OTC: variants seen among roughly 807,000 people sequenced by gnomAD.
The protein encoded by OTC is ornithine transcarbamylase, also known as ornithine transcarbamylase, mitochondrial.
OTC carries 3 observed loss-of-function variants against 30.3 expected under a neutral mutation model. The observed-to-expected ratio is 0.10, with a 90% CI of 0.05 to 0.26. The LOEUF is 0.26. Among genes scored for constraint, OTC ranks in the 10% least tolerant of loss-of-function variants. OTC has a pLI of 1.00. For synonymous variants in OTC, 111 were observed against 99.7 expected (o/e 1.11, Z -0.67); for missense variants, 194 against 260.3 (o/e 0.75, Z 1.75).
chrX:38,370,177 G>A (rs1156616269), intron 3 of OTC, among the ~76,000 whole-genome samples: 2 of 112,534 alleles, frequency 1.8e-5, no homozygotes, highest in East Asian at 2.8e-4. Context: ...TTGAACTCAC[G>A]TGGGTAAGAA....
chrX:38,406,864 A>G (rs963997457), intron 6 of OTC, among the ~76,000 whole-genome samples: 1 of 112,669 alleles, frequency 8.9e-6, no homozygotes, highest in Non-Finnish European at 1.9e-5. Context: ...AGGCATCTTC[A>G]TCAACATCTG....
At chrX:38,379,148 C>A (rs1357099353) in intron 3 of OTC, among the ~76,000 whole-genome samples, 4 of 111,585 alleles carry the variant, frequency 3.6e-5, no homozygotes, top group Non-Finnish European at 7.5e-5. Context: ...TCCTACCTGG[C>A]ACCTAGCACA....
downstream of OTC, among the ~76,000 whole-genome samples, chrX:38,422,078 A>G (rs978515975): frequency 5.3e-5 from 6 of 112,273 alleles, no homozygotes; most frequent in Admixed American, 2.8e-4. Context: ...TAAATAACAT[A>G]AGTGAAGTTT....
At chrX:38,352,158 C>CA (rs1260058409), upstream of OTC, among the ~76,000 whole-genome samples, 1 of 88,820 alleles carries the variant, frequency 1.1e-5, no homozygotes, top group African/African-American at 4.1e-5. Flanking sequence ...CTTGCACCCC[C>CA]AAAATAGCTT....
intron 4 of OTC, among the ~76,000 whole-genome samples, chrX:38,385,794 A>G (rs1569276240): frequency 1.8e-5 from 2 of 112,211 alleles, no homozygotes; most frequent in Admixed American, 9.4e-5. Flanking sequence ...TGTACAGCAG[A>G]TCTTTAGAAC....
intron 2 of OTC, among the ~76,000 whole-genome samples, chrX:38,368,564 T>C (rs891783990): frequency 3.7e-5 from 4 of 109,006 alleles, no homozygotes; most frequent in African/African-American, 1.3e-4. Flanking sequence ...AGCATAATTC[T>C]GCATTTTGAG....
chrX:38,407,282 G>A (rs746498569), intron 6 of OTC, among the ~76,000 whole-genome samples: 2 of 112,342 alleles, frequency 1.8e-5, no homozygotes, highest in African/African-American at 3.2e-5. Context: ...CCTTGGGTGC[G>A]GCTGCTCTCT....
intron 4 of OTC, among the ~76,000 whole-genome samples, chrX:38,399,117 G>A (rs2068471548): frequency 9.0e-6 from 1 of 111,687 alleles, no homozygotes; most frequent in African/African-American, 3.3e-5. Context: ...AATAATAGAT[G>A]ATGCTTTCAA....
chrX:38,388,431 T>C (rs925133799), intron 4 of OTC, among the ~76,000 whole-genome samples: 27 of 111,230 alleles, frequency 2.4e-4, no homozygotes, highest in Non-Finnish European at 7.5e-5. Flanking sequence ...GGTTATGAAC[T>C]GGATATTCTT....
the OTC span, among the ~76,000 whole-genome samples, chrX:38,329,985 A>G: frequency 1.8e-4 from 20 of 112,097 alleles, no homozygotes; most frequent in African/African-American, 6.2e-4. Context: ...CTGTGAGTCT[A>G]TTGCTTTACA....
At chrX:38,341,390 G>A in the OTC span, among the ~76,000 whole-genome samples, 1 of 112,202 alleles carries the variant, frequency 8.9e-6, no homozygotes, top group Middle Eastern at 4.7e-3. Context: ...AGACACTGAA[G>A]ATGATGTGTT....
chrX:38,378,917 C>T (rs1388058810), intron 3 of OTC, among the ~76,000 whole-genome samples: 3 of 111,717 alleles, frequency 2.7e-5, no homozygotes, highest in South Asian at 7.5e-4. Flanking sequence ...GGCGATGGGG[C>T]TGGGATGAGG....
At chrX:38,408,089 C>T (rs916474084) in intron 6 of OTC, among the ~76,000 whole-genome samples, 2 of 112,338 alleles carry the variant, frequency 1.8e-5, no homozygotes, top group Non-Finnish European at 1.9e-5. Flanking sequence ...CCTCGCTTGC[C>T]TCTCCAGAGT....
In OTC at chrX:38,403,529, G is replaced by A. The variant is rs762549974; in HGVS notation, c.541-89G>A. On this transcript the variant is annotated intron_variant, in intron 5 of 9. Transcript: ENST00000039007. ...CCTTCTAACAAGGCACTAATACTGA[G>A]ATTAAGACTATTTATTTTAACCTTA... 2,245 of 1,007,528 alleles carry A rather than the reference G, an allele frequency of 2.2e-3. 4 individuals carry two copies. The highest frequency in any genetic ancestry group is 2.8e-3 in the Non-Finnish European group (1,991 of 713,915). The allele number at this position is 1,007,528 out of a possible 1,213,427, so 83.0% of individuals were successfully genotyped here. A position where few individuals can be genotyped will look rare whatever the true frequency, so the allele number is the denominator to read the frequency against.
the OTC span, among the ~76,000 whole-genome samples, chrX:38,330,092 T>C: frequency 5.3e-5 from 6 of 112,161 alleles, no homozygotes. Context: ...TTAAATCCTA[T>C]GAAATCTTAA....
At chrX:38,401,499 T>C (rs1206742541) in intron 5 of OTC, 71 bp downstream of exon 5, 1 of 856,565 alleles carries the variant, frequency 1.2e-6, no homozygotes, top group Non-Finnish European at 1.7e-6. Flanking sequence ...GTGAAACAGT[T>C]TACTTAAATC....
the OTC span, among the ~76,000 whole-genome samples, chrX:38,337,118 G>A: frequency 5.4e-5 from 6 of 111,425 alleles, no homozygotes; most frequent in Admixed American, 9.5e-5. Context: ...ATGCTGGGCC[G>A]TCAAAAAAAC....
Position 38,367,291 on chromosome X carries a change from G to T in OTC, c.78G>T (p.Arg26=), listed in dbSNP as rs141273695. The T allele has an allele frequency of 8.3e-6, 10 of 1,202,880 alleles. No individual in the cohort carries two copies. The highest frequency in any genetic ancestry group is 1.1e-5 in the Non-Finnish European group (10 of 889,132). ...NGHNFMVRNF[R]CGQPLQNKVQ... ...CTCCCTTTTAAATCTCTTTTTACAG[G>T]TGTGGACAACCACTACAAAATAAAG... The change falls in exon 2 of 10, where the codon CGG becomes CGT. Residue 26 remains arginine (R), a splice_region_variant and synonymous_variant. Transcript: ENST00000039007.
At chrX:38,338,568 CCA>C in the OTC span, among the ~76,000 whole-genome samples, 4 of 112,273 alleles carry the variant, frequency 3.6e-5, no homozygotes, top group African/African-American at 1.3e-4. Flanking sequence ...AATAATACAT[CCA>C]CACTTTGCCC....
Sources: allele counts gnomAD v4.1 joint callset (sites outside exome capture counted in the v4.1 genomes callset), GRCh38; gene constraint gnomAD v4.1.1; transcripts MANE v1.5; gene names NCBI Gene and HGNC (gene_info 2026-07-23, HGNC 2026-07-21).